The following ESR2 variants were observed in gnomAD, a reference collection of about 807,000 sequenced individuals.
ESR2 encodes the protein estrogen receptor beta.
ESR2 carries 36 observed loss-of-function variants against 49.6 expected under a neutral mutation model. The observed-to-expected ratio is 0.73, with a 90% CI of 0.56 to 0.96. ESR2 has a LOEUF of 0.96. Ranked by LOEUF, ESR2 falls within the 40% of genes least tolerant of loss-of-function variation. ESR2 has a pLI of 0.00. For missense variants in ESR2, 714 were observed against 693.0 expected (o/e 1.03, Z -0.34); for synonymous variants, 320 against 266.1 (o/e 1.20, Z -1.97).
upstream of ESR2, among the ~76,000 whole-genome samples, chr14:64,299,300 A>C (rs1169911678): frequency 6.6e-6 from 1 of 151,980 alleles, no homozygotes; most frequent in East Asian, 1.9e-4. Flanking sequence ...AACATTTTCA[A>C]TTTCTTTGTT....
At chr14:64,227,866 G>A, downstream of ESR2, 2 of 1,595,714 alleles carry the variant, frequency 1.3e-6, no homozygotes, top group Non-Finnish European at 1.7e-6. Flanking sequence ...ACATGCAAGG[G>A]ACATTTTCAC....
chr14:64,285,174 A>G (rs1468976469), intron 1 of ESR2, among the ~76,000 whole-genome samples: 1 of 152,066 alleles, frequency 6.6e-6, no homozygotes. Context: ...TTATCAGTGC[A>G]TCTGTAACAG....
chr14:64,325,956 G>A (rs187720865), intron 1 of ESR2, among the ~76,000 whole-genome samples: 17 of 151,534 alleles, frequency 1.1e-4, no homozygotes, highest in Non-Finnish European at 2.5e-4. Flanking sequence ...GTTAAGTTTG[G>A]GAGGAGTCAA....
chr14:64,309,480 A>T (rs928798456), intron 1 of ESR2, among the ~76,000 whole-genome samples: 7 of 151,900 alleles, frequency 4.6e-5, no homozygotes, highest in Non-Finnish European at 8.8e-5. Flanking sequence ...TATTGGTGGC[A>T]GGCGCCTGTA....
At position 64,314,606 on chromosome 14, in the gene ESR2, G is replaced by A. The variant is rs566965417; in HGVS notation, c.-91+23292C>T. Among the ~76,000 whole-genome samples the A allele has an allele frequency of 7.2e-5, 11 of 152,026 alleles. No homozygotes were observed. The South Asian group carries it at 8.3e-4, about 11-fold the overall frequency. Reference sequence around the variant, plus strand: ...AAAATTAATAAAATCGGCTGGGCACGGTGGCTCACACCTGTAATCCCAGCA... The same window carrying A: ...AAAATTAATAAAATCGGCTGGGCACAGTGGCTCACACCTGTAATCCCAGCA... On this transcript the variant is annotated intron_variant, in intron 1 of 8. Transcript: ENST00000358599.
chr14:64,232,935 C>G lies in ESR2; in HGVS notation c.*202G>C, dbSNP rs1596360849. ...TGGAAACGCTGCATTCAAATGTGCC[C>G]TCTGCTAACAAGGGAAACTATGGCT... On this transcript the variant is annotated 3_prime_UTR_variant, in exon 9 of 9. Coordinates refer to ENST00000341099, the MANE Select transcript of ESR2 (RefSeq NM_001437.3). 8.8e-6 allele frequency: 10 copies of G among 1,133,134 alleles called. No homozygotes were observed. In the East Asian group the frequency reaches 2.7e-4, roughly 30 times the overall value. 70.2% of individuals were successfully genotyped at this position (1,133,134 alleles called of 1,614,324 possible). A position where few individuals can be genotyped will look rare whatever the true frequency, so the allele number is the denominator to read the frequency against.
At chr14:64,264,423 A>G (rs1228634098) in intron 4 of ESR2, among the ~76,000 whole-genome samples, 1 of 152,198 alleles carries the variant, frequency 6.6e-6, no homozygotes, top group East Asian at 1.9e-4. Context: ...GCTAAGGTCA[A>G]TTATACACCC....
chr14:64,337,153 C>T (rs2983748), intron 1 of ESR2, among the ~76,000 whole-genome samples: 1 of 152,220 alleles, frequency 6.6e-6, no homozygotes, highest in Admixed American at 6.5e-5. Context: ...GTACTGTTCA[C>T]ACTCATCAGT....
chr14:64,264,608 C>T (rs917187960), intron 4 of ESR2, among the ~76,000 whole-genome samples: 3 of 151,948 alleles, frequency 2.0e-5, no homozygotes, highest in Non-Finnish European at 2.9e-5. Flanking sequence ...GTGGCTCATG[C>T]CTGTAATCCC....
chr14:64,294,848 G>A (rs1439987963), upstream of ESR2, among the ~76,000 whole-genome samples: 2 of 152,218 alleles, frequency 1.3e-5, no homozygotes, highest in Non-Finnish European at 2.9e-5. Flanking sequence ...AGAGGTGGAG[G>A]GAGTGGGTTC....
intron 7 of ESR2, among the ~76,000 whole-genome samples, chr14:64,236,665 ACTCT>A (rs1166335975): frequency 6.9e-6 from 1 of 144,244 alleles, no homozygotes; most frequent in Non-Finnish European, 1.5e-5. Flanking sequence ...CTGCTTGGAA[ACTCT>A]CTCCTTCCTC....
intron 6 of ESR2, among the ~76,000 whole-genome samples, chr14:64,253,938 T>G (rs531075579): frequency 6.6e-6 from 1 of 152,176 alleles, no homozygotes; most frequent in South Asian, 2.1e-4. Context: ...TTTGCATATG[T>G]GACTTTTTTT....
chr14:64,243,198 T>C (rs1055872782), intron 7 of ESR2, among the ~76,000 whole-genome samples: 2 of 152,168 alleles, frequency 1.3e-5, no homozygotes, highest in Non-Finnish European at 2.9e-5. Context: ...TTCCAGATGG[T>C]GGTGGGGCCA....
chr14:64,255,165 T>A (rs1312510427), intron 6 of ESR2, among the ~76,000 whole-genome samples: 1 of 151,986 alleles, frequency 6.6e-6, no homozygotes, highest in Non-Finnish European at 1.5e-5. Context: ...AAATAAACAC[T>A]AAATTTGGCA....
chr14:64,331,371 T>C (rs961911808), intron 1 of ESR2, among the ~76,000 whole-genome samples: 2 of 152,200 alleles, frequency 1.3e-5, no homozygotes, highest in African/African-American at 4.8e-5. Flanking sequence ...TTGATAGAAC[T>C]AAATAAACAG....
chr14:64,254,127 A>G (rs957370901), intron 6 of ESR2, among the ~76,000 whole-genome samples: 1 of 152,200 alleles, frequency 6.6e-6, no homozygotes, highest in African/African-American at 2.4e-5. Context: ...AGGGAAACAG[A>G]AATTATAGTT....
intron 1 of ESR2, among the ~76,000 whole-genome samples, chr14:64,286,830 C>T (rs2076791819): frequency 6.6e-6 from 1 of 152,016 alleles, no homozygotes; most frequent in African/African-American, 2.4e-5. Flanking sequence ...GATTCCCCTG[C>T]CTCAGCCTCA....
intron 3 of ESR2, among the ~76,000 whole-genome samples, chr14:64,277,090 A>G (rs569011850): frequency 2.1e-4 from 32 of 152,198 alleles, no homozygotes; most frequent in Admixed American, 5.2e-4. Flanking sequence ...GACCAGATGA[A>G]GTGATGAGGT....
intron 7 of ESR2, among the ~76,000 whole-genome samples, chr14:64,243,993 T>C (rs1215128682): frequency 6.6e-6 from 1 of 152,152 alleles, no homozygotes; most frequent in Non-Finnish European, 1.5e-5. Flanking sequence ...CCCTTTGTGA[T>C]GGTTAGTCTT....
Sources: gnomAD v4.1 joint callset for allele counts (sites outside exome capture counted in the v4.1 genomes callset) on GRCh38, gnomAD v4.1.1 for gene constraint, MANE v1.5 for transcripts, NCBI Gene and HGNC (gene_info 2026-07-23, HGNC 2026-07-21) for gene names.